Variants in ZNF577 observed in about 807,000 individuals in gnomAD.
ZNF577 encodes the protein zinc finger protein 577.
In ZNF577, 14 loss-of-function variants were observed where a neutral mutation model predicts 13.9. The ratio of observed to expected loss-of-function variants is 1.00; its 90% CI spans 0.66 to 1.57. The LOEUF is 1.57. ZNF577 is among the 40% of genes most tolerant of loss of function. The probability of loss-of-function intolerance (pLI) is 0.00; values close to 1 mark genes in which losing one functional copy is unlikely to be tolerated. For missense variants in ZNF577, 555 were observed against 579.2 expected (o/e 0.96, Z 0.43); for synonymous variants, 203 against 202.9 (o/e 1.00, Z 0.00).
chr19:51,807,339 G>C (rs1340496363), intron 10 of ZNF577, among the ~76,000 whole-genome samples: 1 of 152,190 alleles, frequency 6.6e-6, no homozygotes. Context: ...AGGAGCCAGG[G>C]AGTGAGGCCC....
At chr19:51,854,267 C>T (rs2084396107) in intron 5 of ZNF577, among the ~76,000 whole-genome samples, 1 of 152,062 alleles carries the variant, frequency 6.6e-6, no homozygotes, top group African/African-American at 2.4e-5. Context: ...CTGGGAAGGA[C>T]CAGGTTTCTG....
chr19:51,819,422 G>A (rs1473796553), intron 9 of ZNF577, among the ~76,000 whole-genome samples: 1 of 152,188 alleles, frequency 6.6e-6, no homozygotes, highest in African/African-American at 2.4e-5. Context: ...AAACTGGACT[G>A]AAAAGAGGTG....
intron 8 of ZNF577, among the ~76,000 whole-genome samples, chr19:51,842,180 G>A (rs16983126): frequency 0.073 from 11,101 of 152,188 alleles, 1,212 homozygotes; most frequent in African/African-American, 0.24. Context: ...AAAAGGCAAG[G>A]GCCAAATAGG....
chr19:51,824,336 C>A lies in ZNF577; in HGVS notation c.*600-12662G>T. ...TAGAGAGGTTGAACGTGTTCATTAC[C>A]ATGGCCAAGGTCTTTCTGATCCTCC... On this transcript the variant is annotated intron_variant and NMD_transcript_variant, in intron 9 of 10. Coordinates refer to the ZNF577 transcript ENST00000638827. This position sits in a 1 kb window ranked among gnomAD's most constrained non-coding sequence, Gnocchi z 4.7. 1 of 1,614,104 alleles carries A rather than the reference C, an allele frequency of 6.2e-7. No homozygotes were observed. Among genetic ancestry groups the A allele is most frequent in the Non-Finnish European group, 8.5e-7 (1 of 1,179,988 alleles).
downstream of ZNF577, among the ~76,000 whole-genome samples, chr19:51,866,462 A>G (rs2122626238): frequency 6.6e-6 from 1 of 152,314 alleles, no homozygotes; most frequent in Admixed American, 6.5e-5. Context: ...AATACCCTGG[A>G]TAAGCTTGGA....
rs1341232422 is a variant in ZNF577 at position 51,868,547 on chromosome 19, G to A, written c.*3985C>T. On this transcript the variant is annotated 3_prime_UTR_variant, in exon 6 of 6. Coordinates refer to ENST00000638348, the MANE Select transcript of ZNF577 (RefSeq NM_001370449.1). ...GACTGGGTCTGACCCACCAAAGACT[G>A]CCCCAGCCAAAGCAGAACTGCCAGA... Among the ~76,000 whole-genome samples, 1 of 152,026 alleles carries A rather than the reference G, an allele frequency of 6.6e-6. No individual in the cohort carries two copies. Among genetic ancestry groups the A allele is most frequent in the Non-Finnish European group, 1.5e-5 (1 of 68,008 alleles).
chr19:51,846,633 G>A (rs753833790), intron 5 of ZNF577, among the ~76,000 whole-genome samples: 2 of 152,090 alleles, frequency 1.3e-5, no homozygotes, highest in South Asian at 4.2e-4. Flanking sequence ...ACTTGAACCC[G>A]GGAGGCAGAG....
intron 5 of ZNF577, among the ~76,000 whole-genome samples, chr19:51,857,787 C>T (rs557586492): frequency 1.3e-5 from 2 of 152,240 alleles, no homozygotes; most frequent in East Asian, 3.9e-4. Flanking sequence ...CGCACACACA[C>T]AAAACTCTAA....
At chr19:51,856,820 G>C (rs572078887) in intron 5 of ZNF577, among the ~76,000 whole-genome samples, 1 of 152,214 alleles carries the variant, frequency 6.6e-6, no homozygotes, top group Admixed American at 6.5e-5. Flanking sequence ...GGCTTGATTG[G>C]AAAAGAACAG....
intron 9 of ZNF577, among the ~76,000 whole-genome samples, chr19:51,834,286 T>C (rs1411894969): frequency 6.6e-6 from 1 of 152,180 alleles, no homozygotes; most frequent in African/African-American, 2.4e-5. Context: ...GGTCACACTA[T>C]GTTGCCCAGG....
chr19:51,873,316 C>T lies in ZNF577; in HGVS notation c.674G>A (p.Arg225Lys), dbSNP rs1383024544. 1 of 1,614,010 alleles carries T rather than the reference C, an allele frequency of 6.2e-7. No homozygotes were observed. The highest frequency in any genetic ancestry group is 8.5e-7 in the Non-Finnish European group (1 of 1,180,030). ...ECSECGKAFS[R>K]KSQLMVHQRT... ...CTGATGGACCATGAGCTGTGACTTT[C>T]TGGAGAAGGCTTTTCCACATTCACT... Residue 225 changes from arginine (R) to lysine (K), a missense_variant, in exon 6 of 6, where the codon AGA (arginine) becomes AAA (lysine). Transcript: ENST00000638348.
Position 51,873,106 on chromosome 19 carries a change from T to A in ZNF577, c.884A>T (p.Asp295Val). Residue 295 changes from aspartate (D) to valine (V), a missense_variant, in exon 6 of 6, where the codon GAT (aspartate) becomes GTT (valine). By Grantham distance (152) the Asp-to-Val change is radical. Transcript: ENST00000638348. ...ACAATCACTGCATTTATAAGGCTTA[T>A]CTCCTGTGTGAAGTCTCTGGTGTGC... The part of the protein sequence containing the change: ...LTAHQRLHTG[D>V]KPYKCSDCGR... 1.9e-6 allele frequency: 3 copies of A among 1,614,242 alleles called. No individual in the cohort carries two copies. The highest frequency in any genetic ancestry group is 2.5e-6 in the Non-Finnish European group (3 of 1,180,044).
intron 9 of ZNF577, among the ~76,000 whole-genome samples, chr19:51,835,390 G>C (rs536916329): frequency 1.4e-5 from 2 of 146,746 alleles, no homozygotes; most frequent in African/African-American, 5.0e-5. Flanking sequence ...TAAAGAAATT[G>C]AATTTCTAAT....
intron 9 of ZNF577, among the ~76,000 whole-genome samples, chr19:51,833,343 A>G (rs951093400): frequency 1.3e-5 from 2 of 152,222 alleles, no homozygotes; most frequent in African/African-American, 4.8e-5. Flanking sequence ...CAGTGTCAGA[A>G]AACCATTCTT....
At chr19:51,846,002 A>G (rs1375357220) in intron 5 of ZNF577, among the ~76,000 whole-genome samples, 1 of 151,918 alleles carries the variant, frequency 6.6e-6, no homozygotes, top group Non-Finnish European at 1.5e-5. Context: ...GGATTGCTGC[A>G]TTATATGGTG....
At chr19:51,875,914 G>A (rs1162885476) in intron 5 of ZNF577, among the ~76,000 whole-genome samples, 1 of 152,226 alleles carries the variant, frequency 6.6e-6, no homozygotes, top group African/African-American at 2.4e-5. Context: ...ATTAACAGGA[G>A]CAGCTGAGAC....
At chr19:51,806,201 C>T (rs2084057570) in intron 10 of ZNF577, among the ~76,000 whole-genome samples, 1 of 152,170 alleles carries the variant, frequency 6.6e-6, no homozygotes, top group African/African-American at 2.4e-5. Context: ...ATGGCTCGTA[C>T]CGGAGGGACT....
At chr19:51,818,202 G>A (rs754552470) in intron 9 of ZNF577, among the ~76,000 whole-genome samples, 3 of 152,076 alleles carry the variant, frequency 2.0e-5, no homozygotes, top group Non-Finnish European at 4.4e-5. Context: ...CTAAGACTTA[G>A]TATGAAAAAA....
intron 9 of ZNF577, among the ~76,000 whole-genome samples, chr19:51,828,931 T>G (rs1269170570): frequency 1.3e-5 from 2 of 152,150 alleles, no homozygotes; most frequent in Non-Finnish European, 2.9e-5. Flanking sequence ...GATGTTTCGC[T>G]ATGAACAGTA....
Sources: gnomAD v4.1 joint callset for allele counts (sites outside exome capture counted in the v4.1 genomes callset) on GRCh38, gnomAD v4.1.1 for gene constraint, Gnocchi (gnomAD v3.1) non-coding constraint, MANE v1.5 for transcripts, NCBI Gene and HGNC (gene_info 2026-07-23, HGNC 2026-07-21) for gene names.